Variants in FCGR2B observed in about 807,000 individuals in gnomAD.
FCGR2B encodes the protein low affinity immunoglobulin gamma Fc region receptor II-b.
A neutral mutation model predicts 24.8 loss-of-function variants in FCGR2B; 18 were observed. That is an observed-to-expected ratio of 0.73 (90% confidence interval 0.50 to 1.08). The LOEUF (loss-of-function observed/expected upper bound fraction) is 1.08. Among genes scored for constraint, FCGR2B ranks in the 50% least tolerant of loss-of-function variants. The probability of loss-of-function intolerance (pLI) is 0.00; values close to 1 mark genes in which losing one functional copy is unlikely to be tolerated. For missense variants in FCGR2B, 215 were observed against 297.6 expected (o/e 0.72, Z 2.04); for synonymous variants, 79 against 109.8 (o/e 0.72, Z 1.75).
At chr1:161,671,262 A>C in intron 2 of FCGR2B, 130 bp from the exon 3 acceptor site, 1 of 1,481,176 alleles carries the variant, frequency 6.8e-7, no homozygotes, top group Non-Finnish European at 9.2e-7. Context: ...CAGTTGCAGA[A>C]CCATTCTGGG....
the FCGR2B span, among the ~76,000 whole-genome samples, chr1:161,648,046 A>G: frequency 6.6e-6 from 1 of 150,722 alleles, no homozygotes. Context: ...AGCTTTGTTC[A>G]CAGAAAGCAG....
upstream of FCGR2B, among the ~76,000 whole-genome samples, chr1:161,661,209 A>G (rs1417835049): frequency 1.2e-5 from 1 of 85,248 alleles, no homozygotes; most frequent in Non-Finnish European, 2.5e-5. Context: ...AAAGAAAGAA[A>G]GAAAGAAAGA....
chr1:161,676,423 T>A (rs1211101476), intron 6 of FCGR2B: 1 of 181,300 alleles, frequency 5.5e-6, no homozygotes, highest in African/African-American at 2.4e-5. Context: ...GGATTATCCA[T>A]CTTGTTGTGT....
chr1:161,670,895 G>A lies in FCGR2B; in HGVS notation c.134-497G>A, dbSNP rs543531344. On this transcript the variant is annotated intron_variant, in intron 2 of 7. Transcript: ENST00000358671. ...TTTTAAAGTATACAGAATGACATTAGGTCAGAACGGAAACCTGATATCCAA... is the reference window on the plus strand; with the variant it reads ...TTTTAAAGTATACAGAATGACATTAAGTCAGAACGGAAACCTGATATCCAA... Among the ~76,000 whole-genome samples, 168 of 147,122 alleles carry A rather than the reference G, an allele frequency of 1.1e-3. 1 individual carries two copies. Among genetic ancestry groups the A allele is most frequent in the African/African-American group, 4.0e-3 (161 of 40,080 alleles).
At chr1:161,669,506 G>T (rs1157978691) in intron 1 of FCGR2B, among the ~76,000 whole-genome samples, 1 of 142,570 alleles carries the variant, frequency 7.0e-6, no homozygotes, top group African/African-American at 2.5e-5. Flanking sequence ...GGAGGCGGAG[G>T]TTGCAGTGAG....
chr1:161,661,189 GGAAAGAAAGAAAGAAAGAAAGAAA>G (rs201423251), upstream of FCGR2B, among the ~76,000 whole-genome samples: 395 of 70,538 alleles, frequency 5.6e-3, 12 homozygotes, highest in African/African-American at 0.017. Context: ...AAGGAAGAAA[GGAAAGAAAGAAAGAAAGAAAGAAA>G]GAAAGAAAGA....
chr1:161,673,193 C>T lies in FCGR2B; in HGVS notation c.610C>T (p.Leu204=), dbSNP rs936903399. Residue 204 remains leucine (L), a synonymous_variant, in exon 4 of 8, where the codon CTG becomes TTG. Transcript: ENST00000358671. ...CTGCACAGGAAACATAGGCTACACG[C>T]TGTACTCATCCAAGCCTGTGACCAT... ...YHCTGNIGYT[L]YSSKPVTITV... is the part of the protein sequence containing the mutation. 6.2e-6 allele frequency: 10 copies of T among 1,608,606 alleles called. No individual in the cohort carries two copies. The African/African-American group carries it at 8.1e-5, about 13-fold the overall frequency.
At chr1:161,654,292 A>G in the FCGR2B span, among the ~76,000 whole-genome samples, 15 of 130,946 alleles carry the variant, frequency 1.1e-4, no homozygotes, top group African/African-American at 3.0e-4. Flanking sequence ...ATCTCACCCA[A>G]TGGTAGAAGA....
At chr1:161,655,460 CT>C in the FCGR2B span, among the ~76,000 whole-genome samples, 2 of 77,640 alleles carry the variant, frequency 2.6e-5, no homozygotes, top group Non-Finnish European at 5.9e-5. Context: ...TTGGAGGGCT[CT>C]TTTCTGACCA....
At chr1:161,651,096 TG>T in the FCGR2B span, among the ~76,000 whole-genome samples, 1 of 121,902 alleles carries the variant, frequency 8.2e-6, no homozygotes, top group African/African-American at 2.9e-5. Context: ...AGATGGTGAA[TG>T]ACTTCAGAGT....
chr1:161,672,366 C>G (rs1557900372), intron 3 of FCGR2B: 1 of 161,344 alleles, frequency 6.2e-6, no homozygotes, highest in Non-Finnish European at 1.4e-5. Context: ...ACCTGAAGAG[C>G]AAATTTTCCT....
chr1:161,651,759 C>A, the FCGR2B span, among the ~76,000 whole-genome samples: 1 of 119,512 alleles, frequency 8.4e-6, no homozygotes, highest in African/African-American at 2.7e-5. Context: ...CATGGAGAAA[C>A]CCCATCTCTA....
chr1:161,672,830 C>T lies in FCGR2B; in HGVS notation c.392-145C>T, dbSNP rs10753603. The T allele has an allele frequency of 4.2e-3, 5,391 of 1,272,142 alleles. 12 individuals carry two copies. The highest frequency in any genetic ancestry group is 0.012 in the South Asian group (721 of 61,840). 78.8% of individuals were successfully genotyped at this position (1,272,142 alleles called of 1,614,324 possible). A position where few individuals can be genotyped will look rare whatever the true frequency, so the allele number is the denominator to read the frequency against. On this transcript the variant is annotated intron_variant, in intron 3 of 7. Coordinates refer to ENST00000358671, the MANE Select transcript of FCGR2B (RefSeq NM_001394477.1). ...TATTTGCCCAAGAGTTCATAAATGACAGAGCCAGCATTAGAGTCCAGGACT... is the reference window on the plus strand; with the variant it reads ...TATTTGCCCAAGAGTTCATAAATGATAGAGCCAGCATTAGAGTCCAGGACT...
chr1:161,675,614 G>C, intron 6 of FCGR2B: 2 of 324,394 alleles, frequency 6.2e-6, no homozygotes, highest in East Asian at 9.8e-5. Flanking sequence ...AGATACTTTG[G>C]TCTTCCTGTG....
the FCGR2B span, among the ~76,000 whole-genome samples, chr1:161,648,541 C>A: frequency 6.6e-6 from 1 of 150,844 alleles, no homozygotes; most frequent in East Asian, 1.9e-4. Context: ...CTGTTTAAGG[C>A]TTTTGCACAC....
At chr1:161,649,117 A>G in the FCGR2B span, among the ~76,000 whole-genome samples, 4 of 150,936 alleles carry the variant, frequency 2.7e-5, no homozygotes, top group African/African-American at 9.8e-5. Context: ...GGAACTCTAA[A>G]TACCTTTTCA....
rs1571034698 is a variant in FCGR2B at position 161,677,219 on chromosome 1, TG to T, written c.818-108del. 7 of 1,049,206 alleles carry T rather than the reference TG, an allele frequency of 6.7e-6. No homozygotes were observed. The East Asian group carries it at 1.7e-4, about 25-fold the overall frequency. The allele number at this position is 1,049,206 out of a possible 1,614,324, so 65.0% of individuals were successfully genotyped here. ...TAGAGGCCCAAGACAGGGTCAGCAG[TG>T]CTTGCTTTGGCTCTAGTTTGGGCGT... On this transcript the variant is annotated intron_variant, in intron 6 of 7. Transcript: ENST00000358671.
intron 4 of FCGR2B, chr1:161,673,621 T>G (rs1681888351): frequency 3.2e-6 from 2 of 617,472 alleles, no homozygotes; most frequent in East Asian, 6.4e-5. Context: ...CATGGACCGT[T>G]CAAGGCTGTG....
At chr1:161,650,631 G>A in the FCGR2B span, among the ~76,000 whole-genome samples, 5 of 142,136 alleles carry the variant, frequency 3.5e-5, no homozygotes, top group Admixed American at 2.2e-4. Context: ...CCCTGGGAGC[G>A]GGGGGCAAAA....
Sources: allele counts gnomAD v4.1 joint callset (sites outside exome capture counted in the v4.1 genomes callset), GRCh38; gene constraint gnomAD v4.1.1; transcripts MANE v1.5; gene names NCBI Gene and HGNC (gene_info 2026-07-23, HGNC 2026-07-21).